BTG4: variants seen among roughly 807,000 people sequenced by gnomAD.
The protein encoded by BTG4 is protein BTG4.
Under a neutral mutation model 19.3 loss-of-function variants are expected in BTG4, and 10 were observed. The ratio of observed to expected loss-of-function variants is 0.52; its 90% CI spans 0.32 to 0.88. The LOEUF is 0.88. Among genes scored for constraint, BTG4 ranks in the 40% least tolerant of loss-of-function variants. The pLI is 0.04. For synonymous variants in BTG4, 91 were observed against 95.7 expected, an observed-to-expected ratio of 0.95 and a Z score of 0.29; for missense variants, 238 against 281.9, an observed-to-expected ratio of 0.84 and a Z score of 1.11.
intron 1 of BTG4, among the ~76,000 whole-genome samples, chr11:111,505,862 CAT>C (rs2135723152): frequency 6.6e-6 from 1 of 152,058 alleles, no homozygotes; most frequent in African/African-American, 2.4e-5. Flanking sequence ...AGCTAACAAA[CAT>C]ATGAAAAAAT....
chr11:111,501,644 A>G (rs968691252), intron 1 of BTG4, among the ~76,000 whole-genome samples: 2 of 152,248 alleles, frequency 1.3e-5, no homozygotes, highest in African/African-American at 2.4e-5. Flanking sequence ...ATTGTTGTAT[A>G]TTTCAAAATA....
At chr11:111,431,470 T>C in the BTG4 span, among the ~76,000 whole-genome samples, 1 of 152,242 alleles carries the variant, frequency 6.6e-6, no homozygotes, top group Non-Finnish European at 1.5e-5. Context: ...AATTGGAATT[T>C]GAACACAGAG....
intron 5 of BTG4, among the ~76,000 whole-genome samples, chr11:111,477,923 A>G (rs1157051359): frequency 6.6e-6 from 1 of 152,176 alleles, no homozygotes; most frequent in African/African-American, 2.4e-5. Flanking sequence ...CATCTTTGCC[A>G]GTATGGATCA....
chr11:111,442,329 C>T, the BTG4 span, among the ~76,000 whole-genome samples: 1 of 151,262 alleles, frequency 6.6e-6, no homozygotes, highest in East Asian at 2.0e-4. Context: ...GGTGAAACCC[C>T]ATTTCTATAA....
At chr11:111,477,396 T>G (rs1043729451) in intron 5 of BTG4, among the ~76,000 whole-genome samples, 1 of 152,140 alleles carries the variant, frequency 6.6e-6, no homozygotes, top group Non-Finnish European at 1.5e-5. Flanking sequence ...CCTCAATAAA[T>G]GTAGAAGCCA....
the BTG4 span, among the ~76,000 whole-genome samples, chr11:111,404,974 G>A: frequency 6.6e-6 from 1 of 152,180 alleles, no homozygotes; most frequent in East Asian, 1.9e-4. Flanking sequence ...CCATAATCCT[G>A]CTTCTTATAC....
chr11:111,414,120 A>G, the BTG4 span: 17 of 152,172 alleles, frequency 1.1e-4, no homozygotes, highest in African/African-American at 4.1e-4. Context: ...GTGTGATTTG[A>G]GCACGTGTGT....
At chr11:111,496,830 T>C (rs911627482) in intron 4 of BTG4, 3 of 242,534 alleles carry the variant, frequency 1.2e-5, no homozygotes, top group South Asian at 1.8e-4. Flanking sequence ...GCAGAATTTA[T>C]AGGCCTTTGA....
chr11:111,498,780 T>G lies in BTG4; in HGVS notation c.-4A>C. The G allele has an allele frequency of 6.2e-7, 1 of 1,602,168 alleles. No individual in the cohort carries two copies. The highest frequency in any genetic ancestry group is 8.5e-7 in the Non-Finnish European group (1 of 1,174,896). On this transcript the variant is annotated 5_prime_UTR_variant, in exon 2 of 5. Transcript: ENST00000692032. Reference sequence around the variant, plus strand: ...TTGTTGCAATTTCATCTCTCATGATTCAAGAAAAATAGATAAGGAGGTCTG... The same window carrying G: ...TTGTTGCAATTTCATCTCTCATGATGCAAGAAAAATAGATAAGGAGGTCTG...
At chr11:111,393,224 C>T in the BTG4 span, among the ~76,000 whole-genome samples, 1 of 152,180 alleles carries the variant, frequency 6.6e-6, no homozygotes, top group Admixed American at 6.5e-5. Flanking sequence ...AACCGGATTA[C>T]TAAATCACAG....
At chr11:111,465,776 A>T (rs1008527543), downstream of BTG4, among the ~76,000 whole-genome samples, 4 of 152,206 alleles carry the variant, frequency 2.6e-5, no homozygotes, top group African/African-American at 9.7e-5. Context: ...GAGAAGCAAG[A>T]GAAGGCTTTG....
At chr11:111,458,236 A>G in the BTG4 span, 3 of 152,688 alleles carry the variant, frequency 2.0e-5, no homozygotes, top group Admixed American at 6.5e-5. Context: ...GTATGGATGA[A>G]TCTGGGCCAG....
At chr11:111,386,681 G>C in the BTG4 span, among the ~76,000 whole-genome samples, 2 of 152,212 alleles carry the variant, frequency 1.3e-5, no homozygotes, top group South Asian at 2.1e-4. Flanking sequence ...GAAATACTAT[G>C]ATATCAAATT....
At chr11:111,435,751 C>A in the BTG4 span, among the ~76,000 whole-genome samples, 3 of 152,168 alleles carry the variant, frequency 2.0e-5, no homozygotes, top group African/African-American at 7.2e-5. Flanking sequence ...CTCAACCCCC[C>A]AGGGTGAGGC....
chr11:111,402,534 C>G, the BTG4 span, among the ~76,000 whole-genome samples: 1 of 152,180 alleles, frequency 6.6e-6, no homozygotes, highest in South Asian at 2.1e-4. Flanking sequence ...TATTTTGGCT[C>G]ACTGCTGTAT....
downstream of BTG4, among the ~76,000 whole-genome samples, chr11:111,492,213 C>A (rs1427832313): frequency 6.6e-6 from 1 of 152,328 alleles, no homozygotes; most frequent in Non-Finnish European, 1.5e-5. Context: ...TACAGTGTCA[C>A]CTCTGCTGGC....
chr11:111,462,640 G>A (rs1863468291), downstream of BTG4, among the ~76,000 whole-genome samples: 1 of 152,372 alleles, frequency 6.6e-6, no homozygotes, highest in East Asian at 1.9e-4. Flanking sequence ...CCCTGGTGGT[G>A]GTCGCTGCCA....
At chr11:111,483,564 TC>T (rs1314394106) in intron 5 of BTG4, among the ~76,000 whole-genome samples, 1 of 152,052 alleles carries the variant, frequency 6.6e-6, no homozygotes, top group Non-Finnish European at 1.5e-5. Context: ...AAGCAAAAAT[TC>T]TGGAGCTAAA....
the BTG4 span, among the ~76,000 whole-genome samples, chr11:111,426,657 A>G: frequency 1.3e-5 from 2 of 152,018 alleles, no homozygotes; most frequent in East Asian, 1.9e-4. Flanking sequence ...GCCGGCCTGA[A>G]TTCCAGATGA....
Sources: allele counts gnomAD v4.1 joint callset (sites outside exome capture counted in the v4.1 genomes callset), GRCh38; gene constraint gnomAD v4.1.1; transcripts MANE v1.5; gene names NCBI Gene and HGNC (gene_info 2026-07-23, HGNC 2026-07-21).